The following NRG1 variants were observed in gnomAD, a reference collection of about 807,000 sequenced individuals.
The protein encoded by NRG1 is neuregulin 1, also known as pro-neuregulin-1, membrane-bound isoform.
Under a neutral mutation model 63.8 loss-of-function variants are expected in NRG1, and 18 were observed. That is an observed-to-expected ratio of 0.28 (90% CI 0.19 to 0.42). The LOEUF (loss-of-function observed/expected upper bound fraction) is 0.42, where lower values mean the gene tolerates loss of function less well. NRG1 is among the 10% of genes least tolerant of loss of function. The pLI is 1.00. For synonymous variants in NRG1, 302 were observed against 301.3 expected (o/e 1.00, Z -0.02); for missense variants, 762 against 814.7 (o/e 0.94, Z 0.79).
intron 1 of NRG1, among the ~76,000 whole-genome samples, chr8:31,762,077 C>A (rs1817618489): frequency 6.6e-6 from 1 of 152,036 alleles, no homozygotes; most frequent in African/African-American, 2.4e-5. Context: ...TTGTAAATTT[C>A]TTTTCTTTTT....
At chr8:32,104,742 C>T (rs533020151) in intron 1 of NRG1, among the ~76,000 whole-genome samples, 1 of 151,826 alleles carries the variant, frequency 6.6e-6, no homozygotes, top group East Asian at 1.9e-4. Context: ...TAGCCTAGGC[C>T]CACACAGGGT....
chr8:32,366,146 T>A (rs530095358), intron 1 of NRG1, among the ~76,000 whole-genome samples: 63 of 152,322 alleles, frequency 4.1e-4, no homozygotes, highest in Middle Eastern at 6.8e-3. Flanking sequence ...TGGGGTTTTT[T>A]AAAATTTTTT....
At chr8:32,617,927 T>C (rs1347612919) in intron 5 of NRG1, among the ~76,000 whole-genome samples, 1 of 152,176 alleles carries the variant, frequency 6.6e-6, no homozygotes, top group East Asian at 1.9e-4. Context: ...AAATTATCTT[T>C]TATTGTGTGA....
intron 1 of NRG1, among the ~76,000 whole-genome samples, chr8:32,382,955 C>T (rs554159047): frequency 6.6e-6 from 1 of 152,044 alleles, no homozygotes; most frequent in African/African-American, 2.4e-5. Context: ...GGCACAGTGG[C>T]TCACACCTGT....
rs529527535 is a variant in NRG1 at position 32,632,140 on chromosome 8, G to A, written c.502+15255G>A. Among the ~76,000 whole-genome samples, 21 of 152,268 alleles carry A rather than the reference G, an allele frequency of 1.4e-4. No homozygotes were observed. The South Asian group carries it at 3.9e-3, about 29-fold the overall frequency. On this transcript the variant is annotated intron_variant, in intron 5 of 11. Coordinates refer to ENST00000356819, the Ensembl canonical transcript of NRG1. ...CAGAGAAAATAGTATTTAAACAAGA[G>A]AAACCGATTTTTAAAGTGAAAATCA...
chr8:32,182,627 G>C (rs1053107171), intron 1 of NRG1, among the ~76,000 whole-genome samples: 8 of 152,140 alleles, frequency 5.3e-5, no homozygotes. Context: ...CACTCTCACT[G>C]TCTCTCTCTT....
At chr8:32,386,263 G>A (rs1454191427) in intron 1 of NRG1, among the ~76,000 whole-genome samples, 1 of 152,130 alleles carries the variant, frequency 6.6e-6, no homozygotes, top group Non-Finnish European at 1.5e-5. Context: ...CACCACATCT[G>A]GCCCTGGAAT....
chr8:32,237,369 CT>C (rs1847673046), intron 1 of NRG1, among the ~76,000 whole-genome samples: 1 of 152,254 alleles, frequency 6.6e-6, no homozygotes, highest in African/African-American at 2.4e-5. Flanking sequence ...CCAACATCCC[CT>C]GGAACATAAT....
chr8:31,887,356 G>C (rs1165600327), intron 1 of NRG1, among the ~76,000 whole-genome samples: 1 of 152,066 alleles, frequency 6.6e-6, no homozygotes, highest in Non-Finnish European at 1.5e-5. Flanking sequence ...AAAAAAGGAA[G>C]TCCTGTATAA....
chr8:32,493,294 A>G (rs1222030192), intron 1 of NRG1, among the ~76,000 whole-genome samples: 2 of 152,236 alleles, frequency 1.3e-5, no homozygotes, highest in East Asian at 3.9e-4. Flanking sequence ...CCTAAGAAGA[A>G]AAAACAGAGT....
At chr8:32,342,264 C>G (rs145810874) in intron 1 of NRG1, among the ~76,000 whole-genome samples, 126 of 152,294 alleles carry the variant, frequency 8.3e-4, no homozygotes, top group African/African-American at 2.4e-3. Flanking sequence ...AGTTTATGCT[C>G]TATTATGTAC....
chr8:32,461,447 C>T (rs1822296034), intron 1 of NRG1, among the ~76,000 whole-genome samples: 1 of 152,052 alleles, frequency 6.6e-6, no homozygotes. Flanking sequence ...GCCTGTAATC[C>T]CAGCACTTTG....
chr8:32,660,073 A>G (rs1231495219), intron 5 of NRG1, among the ~76,000 whole-genome samples: 4 of 152,230 alleles, frequency 2.6e-5, no homozygotes, highest in Non-Finnish European at 5.9e-5. Context: ...TATGACCTGT[A>G]TAGTACCAAA....
chr8:32,031,246 G>A (rs564230098), intron 1 of NRG1, among the ~76,000 whole-genome samples: 4 of 152,178 alleles, frequency 2.6e-5, no homozygotes, highest in Non-Finnish European at 5.9e-5. Flanking sequence ...CTGTGCCCAG[G>A]CCACCCCAGG....
intron 5 of NRG1, among the ~76,000 whole-genome samples, chr8:32,620,239 A>G (rs1168123898): frequency 2.0e-5 from 3 of 152,194 alleles, no homozygotes; most frequent in Non-Finnish European, 4.4e-5. Flanking sequence ...AAATCCCTGT[A>G]TTTGAAAAGC....
intron 1 of NRG1, among the ~76,000 whole-genome samples, chr8:32,140,300 A>G (rs1355313178): frequency 6.6e-6 from 1 of 151,976 alleles, no homozygotes; most frequent in Non-Finnish European, 1.5e-5. Flanking sequence ...CTCAAAACCT[A>G]TGACAATTTG....
intron 5 of NRG1, among the ~76,000 whole-genome samples, chr8:32,641,580 C>T (rs1304990948): frequency 6.6e-6 from 1 of 152,206 alleles, no homozygotes; most frequent in African/African-American, 2.4e-5. Context: ...ATGAAATTCT[C>T]ACATCCTCAT....
At chr8:32,122,196 TG>T (rs910455471) in intron 1 of NRG1, among the ~76,000 whole-genome samples, 8 of 151,876 alleles carry the variant, frequency 5.3e-5, no homozygotes, top group African/African-American at 1.9e-4. Context: ...TAAATAGTTA[TG>T]GGGGGAAATA....
At chr8:32,040,852 A>G (rs1819915697) in intron 1 of NRG1, among the ~76,000 whole-genome samples, 1 of 146,050 alleles carries the variant, frequency 6.8e-6, no homozygotes, top group African/African-American at 2.5e-5. Flanking sequence ...TTTTAGCACT[A>G]AAATTCTTCT....
Sources: gnomAD v4.1 joint callset for allele counts (sites outside exome capture counted in the v4.1 genomes callset) on GRCh38, gnomAD v4.1.1 for gene constraint, MANE v1.5 for transcripts, NCBI Gene and HGNC (gene_info 2026-07-23, HGNC 2026-07-21) for gene names.